The following GSK3B variants were observed in gnomAD, a reference collection of about 807,000 sequenced individuals.
GSK3B encodes the protein glycogen synthase kinase 3 beta, also known as glycogen synthase kinase-3 beta.
In GSK3B, 15 loss-of-function variants were observed where a neutral mutation model predicts 56.4. That is an observed-to-expected ratio of 0.27 (90% confidence interval 0.18 to 0.41). The LOEUF is 0.41. Among genes scored for constraint, GSK3B ranks in the 10% least tolerant of loss-of-function variants. The pLI is 1.00. For missense variants in GSK3B, 300 were observed against 513.4 expected (o/e 0.58, Z 4.02); for synonymous variants, 181 against 188.9 (o/e 0.96, Z 0.34).
intron 3 of GSK3B, among the ~76,000 whole-genome samples, chr3:119,931,891 TC>T (rs1352466379): frequency 6.6e-6 from 1 of 152,168 alleles, no homozygotes; most frequent in Non-Finnish European, 1.5e-5. Context: ...GACTCAGTTT[TC>T]CTAGTTATTA....
At chr3:119,924,665 T>C (rs1048778020) in intron 3 of GSK3B, among the ~76,000 whole-genome samples, 1 of 152,218 alleles carries the variant, frequency 6.6e-6, no homozygotes, top group African/African-American at 2.4e-5. Flanking sequence ...TATGTTCTCC[T>C]CTCTTCCCTT....
In GSK3B at chr3:119,823,420, C is replaced by A. The variant is rs891741052; in HGVS notation, c.*3368G>T. ...AGTAATTGCACTATAGCATTTTAGA[C>A]CACTGACGTATCAAAACCTGATACT... On this transcript the variant is annotated 3_prime_UTR_variant, in exon 11 of 11. Transcript: ENST00000264235. The A allele has an allele frequency of 5.0e-6, 1 of 198,744 alleles. No homozygotes were observed. 12.3% of individuals were successfully genotyped at this position (198,744 alleles called of 1,614,324 possible).
chr3:119,937,244 T>C (rs1313690920), intron 3 of GSK3B, among the ~76,000 whole-genome samples: 2 of 152,062 alleles, frequency 1.3e-5, no homozygotes, highest in Non-Finnish European at 2.9e-5. Flanking sequence ...TGGGGTCTAA[T>C]GGAAGGTATT....
At chr3:120,070,249 A>G (rs1031942522) in intron 1 of GSK3B, among the ~76,000 whole-genome samples, 9 of 151,886 alleles carry the variant, frequency 5.9e-5, no homozygotes, top group African/African-American at 2.2e-4. Flanking sequence ...ACAAAAAAAA[A>G]AAACATCCTG....
At chr3:119,933,227 T>C (rs930071508) in intron 3 of GSK3B, among the ~76,000 whole-genome samples, 3 of 152,188 alleles carry the variant, frequency 2.0e-5, no homozygotes, top group African/African-American at 7.2e-5. Context: ...CAATTTTTCA[T>C]CTATCAAACT....
intron 10 of GSK3B, among the ~76,000 whole-genome samples, chr3:119,841,733 A>G (rs2055774892): frequency 6.6e-6 from 1 of 152,214 alleles, no homozygotes; most frequent in South Asian, 2.1e-4. Flanking sequence ...TGAATAAGAC[A>G]CTAATTAAAC....
intron 1 of GSK3B, among the ~76,000 whole-genome samples, chr3:120,005,946 T>C (rs899055431): frequency 6.6e-6 from 1 of 152,120 alleles, no homozygotes; most frequent in South Asian, 2.1e-4. Context: ...TAAATGTAAA[T>C]GGGCTAAATT....
In GSK3B at chr3:119,916,627, C is replaced by T. The variant is rs569064041; in HGVS notation, c.478-453G>A. Among the ~76,000 whole-genome samples the T allele has an allele frequency of 5.0e-4, 76 of 152,208 alleles. 1 individual carries two copies. The Middle Eastern group carries it at 0.017, about 34-fold the overall frequency. The stretch of plus-strand genomic sequence containing the variant: ...AGTAGAGCATGCTGCTGAATGTAAA[C>T]GTATTTCCAAAGTGTGATCTTTAGA... On this transcript the variant is annotated intron_variant, in intron 4 of 10. Transcript: ENST00000264235.
At chr3:119,972,288 T>C (rs1278518174) in intron 2 of GSK3B, among the ~76,000 whole-genome samples, 1 of 152,182 alleles carries the variant, frequency 6.6e-6, no homozygotes, top group Non-Finnish European at 1.5e-5. Flanking sequence ...AAATAAGGTA[T>C]ATGATAGGCA....
At chr3:119,975,213 G>A (rs180842689) in intron 2 of GSK3B, among the ~76,000 whole-genome samples, 2 of 152,300 alleles carry the variant, frequency 1.3e-5, no homozygotes, top group East Asian at 3.9e-4. Flanking sequence ...TTGGAAGGCC[G>A]AGGCAGGTGG....
At chr3:119,931,553 T>C (rs1429530499) in intron 3 of GSK3B, among the ~76,000 whole-genome samples, 10 of 151,944 alleles carry the variant, frequency 6.6e-5, no homozygotes, top group Non-Finnish European at 4.4e-5. Context: ...GAGGCGGAGG[T>C]TGCAGTAGTC....
chr3:119,917,671 T>TTG (rs1168646378), intron 4 of GSK3B, among the ~76,000 whole-genome samples: 2 of 144,850 alleles, frequency 1.4e-5, no homozygotes, highest in South Asian at 2.2e-4. Context: ...TTTTTTTTTT[T>TTG]AAAAAAAAAA....
At chr3:119,991,299 G>GC (rs1230495277) in intron 2 of GSK3B, among the ~76,000 whole-genome samples, 1 of 151,918 alleles carries the variant, frequency 6.6e-6, no homozygotes, top group African/African-American at 2.4e-5. Flanking sequence ...CTTCCAAACT[G>GC]CCCAAGTTAA....
intron 1 of GSK3B, among the ~76,000 whole-genome samples, chr3:120,004,179 G>A (rs1311153118): frequency 1.3e-5 from 2 of 152,190 alleles, no homozygotes; most frequent in African/African-American, 2.4e-5. Context: ...TAAGATGTGG[G>A]AGCTTGGTGG....
intron 1 of GSK3B, among the ~76,000 whole-genome samples, chr3:120,012,074 T>C (rs1025642182): frequency 3.9e-5 from 6 of 152,242 alleles, no homozygotes; most frequent in Non-Finnish European, 7.3e-5. Flanking sequence ...CAGGCTTTTA[T>C]AGTTTTCTGG....
intron 1 of GSK3B, among the ~76,000 whole-genome samples, chr3:120,034,167 T>C (rs1015584012): frequency 2.6e-5 from 4 of 152,234 alleles, no homozygotes; most frequent in African/African-American, 9.6e-5. Context: ...GTATTTTCCC[T>C]TTCTGTTGTC....
At chr3:120,091,497 A>T (rs1256145988) in intron 1 of GSK3B, among the ~76,000 whole-genome samples, 2 of 152,218 alleles carry the variant, frequency 1.3e-5, no homozygotes, top group Non-Finnish European at 2.9e-5. Context: ...AATCCTGAAA[A>T]GAAAATGAAA....
chr3:119,974,789 C>T (rs571972889), intron 2 of GSK3B, among the ~76,000 whole-genome samples: 1 of 152,146 alleles, frequency 6.6e-6, no homozygotes, highest in Non-Finnish European at 1.5e-5. Flanking sequence ...CTACTACACA[C>T]CTATTAGAAT....
intron 9 of GSK3B, among the ~76,000 whole-genome samples, chr3:119,844,976 C>T (rs1175826810): frequency 6.6e-6 from 1 of 152,186 alleles, no homozygotes; most frequent in African/African-American, 2.4e-5. Flanking sequence ...ATCAAGTCGG[C>T]TTCATCCCTG....
Sources: gnomAD v4.1 joint callset for allele counts (sites outside exome capture counted in the v4.1 genomes callset) on GRCh38, gnomAD v4.1.1 for gene constraint, MANE v1.5 for transcripts, NCBI Gene and HGNC (gene_info 2026-07-23, HGNC 2026-07-21) for gene names.